GRIN2B: variants seen among roughly 807,000 people sequenced by gnomAD.
GRIN2B encodes glutamate receptor ionotropic, NMDA 2B.
Under a neutral mutation model 114.5 loss-of-function variants are expected in GRIN2B, and 5 were observed. That is an observed-to-expected ratio of 0.04 (90% CI 0.02 to 0.09). The LOEUF is 0.09. GRIN2B is among the 10% of genes least tolerant of loss of function. GRIN2B has a pLI of 1.00. For missense variants in GRIN2B, 1,108 were observed against 1,943.5 expected (o/e 0.57, Z 8.08); for synonymous variants, 787 against 745.1 (o/e 1.06, Z -0.92).
intron 5 of GRIN2B, among the ~76,000 whole-genome samples, chr12:13,654,508 G>T (rs1460686141): frequency 6.6e-6 from 1 of 152,156 alleles, no homozygotes; most frequent in Non-Finnish European, 1.5e-5. Flanking sequence ...TAAACCTTCA[G>T]ATAATAGCCT....
chr12:13,979,106 G>C (rs1026710835), intron 2 of GRIN2B, among the ~76,000 whole-genome samples: 1 of 152,212 alleles, frequency 6.6e-6, no homozygotes, highest in African/African-American at 2.4e-5. Context: ...TTTTGCAAGA[G>C]TGTAGAAGTA....
At chr12:13,803,526 A>G (rs1185983229) in intron 3 of GRIN2B, among the ~76,000 whole-genome samples, 3 of 152,194 alleles carry the variant, frequency 2.0e-5, no homozygotes, top group Non-Finnish European at 4.4e-5. Flanking sequence ...CCATCTAACT[A>G]GTCTATAATA....
intron 8 of GRIN2B, among the ~76,000 whole-genome samples, chr12:13,612,807 G>T (rs1046106371): frequency 3.3e-5 from 5 of 152,132 alleles, no homozygotes; most frequent in African/African-American, 1.2e-4. Context: ...ATGATACAAT[G>T]CTCCCTCAAT....
At chr12:13,840,192 C>T (rs1457280978) in intron 3 of GRIN2B, among the ~76,000 whole-genome samples, 1 of 152,152 alleles carries the variant, frequency 6.6e-6, no homozygotes. Context: ...CCCAGCCCTC[C>T]ATATCACTGG....
chr12:13,773,546 A>G (rs1030395330), intron 3 of GRIN2B, among the ~76,000 whole-genome samples: 1 of 152,172 alleles, frequency 6.6e-6, no homozygotes, highest in Non-Finnish European at 1.5e-5. Flanking sequence ...CTTTTTTCTC[A>G]GGAGGAGTAA....
At chr12:13,782,578 G>A (rs1056639687) in intron 3 of GRIN2B, among the ~76,000 whole-genome samples, 1 of 152,162 alleles carries the variant, frequency 6.6e-6, no homozygotes, top group African/African-American at 2.4e-5. Context: ...CTCAGCTCTT[G>A]TTTTAAGATC....
At position 13,936,240 on chromosome 12, in the gene GRIN2B, G is replaced by A. The variant is rs375091386; in HGVS notation, c.-19+43688C>T. 4.6e-5 allele frequency among the ~76,000 whole-genome samples: 7 copies of A among 152,282 alleles called. No homozygotes were observed. The East Asian group carries it at 9.6e-4, about 21-fold the overall frequency. ...CAGTTACTAGAGGTTGAGCACTGGT[G>A]GGGAAAGAGAAGTGCTGGAGCTGAT... is the stretch of plus-strand genomic sequence containing the variant. On this transcript the variant is annotated intron_variant, in intron 2 of 13. Transcript: ENST00000609686.
At chr12:13,959,769 C>T (rs796522457) in intron 2 of GRIN2B, among the ~76,000 whole-genome samples, 17 of 132,432 alleles carry the variant, frequency 1.3e-4, no homozygotes, top group East Asian at 4.4e-4. Context: ...TTTTCTTTTT[C>T]TTTTTTTTTT....
chr12:13,584,865 T>G (rs1355476428), intron 10 of GRIN2B, among the ~76,000 whole-genome samples: 1 of 152,210 alleles, frequency 6.6e-6, no homozygotes, highest in Non-Finnish European at 1.5e-5. Context: ...TTCGTTGAGC[T>G]CCTTCAACCT....
intron 10 of GRIN2B, among the ~76,000 whole-genome samples, chr12:13,573,143 T>C (rs1948727547): frequency 1.3e-5 from 2 of 149,394 alleles, no homozygotes; most frequent in South Asian, 2.1e-4. Context: ...GAGGATTAAC[T>C]AATATAATGC....
At position 13,562,625 on chromosome 12, in the gene GRIN2B, C is replaced by G. The variant is rs993823478; in HGVS notation, c.*158G>C. ...GATGGTGCTGGTCACCAGGGTTGCC[C>G]CCAGTAGGAACCAGAACTCCAGGAT... On this transcript the variant is annotated 3_prime_UTR_variant, in exon 14 of 14. Transcript: ENST00000609686. 10 of 693,202 alleles carry G rather than the reference C, an allele frequency of 1.4e-5. No individual in the cohort carries two copies. Among genetic ancestry groups the G allele is most frequent in the Non-Finnish European group, 2.3e-5 (9 of 390,758 alleles). The allele number at this position is 693,202 out of a possible 1,614,324, so 42.9% of individuals were successfully genotyped here.
At chr12:13,747,563 C>A (rs895065998) in intron 4 of GRIN2B, among the ~76,000 whole-genome samples, 2 of 152,182 alleles carry the variant, frequency 1.3e-5, no homozygotes, top group Non-Finnish European at 2.9e-5. Context: ...TTTTACTAAA[C>A]ATTTTGCATT....
chr12:13,695,210 T>C (rs140868571), intron 4 of GRIN2B, among the ~76,000 whole-genome samples: 5 of 152,230 alleles, frequency 3.3e-5, no homozygotes, highest in Non-Finnish European at 7.4e-5. Context: ...ACAGACAGGA[T>C]AGGAAACCAG....
intron 2 of GRIN2B, among the ~76,000 whole-genome samples, chr12:13,972,655 GT>G (rs1295804160): frequency 9.9e-5 from 15 of 152,212 alleles, no homozygotes; most frequent in Non-Finnish European, 1.5e-4. Flanking sequence ...GTCAGTGGAC[GT>G]GGCTGACCAC....
intron 2 of GRIN2B, among the ~76,000 whole-genome samples, chr12:13,897,949 C>A (rs1375894905): frequency 1.3e-5 from 2 of 150,918 alleles, no homozygotes; most frequent in African/African-American, 2.4e-5. Flanking sequence ...ATGTAACTAA[C>A]CTGTACATTC....
intron 10 of GRIN2B, among the ~76,000 whole-genome samples, chr12:13,578,950 G>C (rs940224405): frequency 6.6e-6 from 1 of 152,134 alleles, no homozygotes; most frequent in Non-Finnish European, 1.5e-5. Context: ...GGGGGAACAA[G>C]CTTGGTGTGA....
intron 4 of GRIN2B, among the ~76,000 whole-genome samples, chr12:13,735,300 G>C (rs967765540): frequency 2.1e-4 from 32 of 152,170 alleles, no homozygotes; most frequent in African/African-American, 7.2e-4. Context: ...ATCTAAAAAA[G>C]TGCAGACATG....
At chr12:13,762,204 C>T (rs1275664814) in intron 3 of GRIN2B, among the ~76,000 whole-genome samples, 11 of 152,088 alleles carry the variant, frequency 7.2e-5, no homozygotes, top group Non-Finnish European at 1.5e-4. Context: ...GGGGTTTCAT[C>T]GTGTTAGCCA....
intron 9 of GRIN2B, among the ~76,000 whole-genome samples, chr12:13,611,110 C>T (rs1386342905): frequency 6.6e-6 from 1 of 152,220 alleles, no homozygotes; most frequent in Admixed American, 6.5e-5. Context: ...GCAGCCCTCA[C>T]ATCTCTAGGT....
Sources: allele counts gnomAD v4.1 joint callset (sites outside exome capture counted in the v4.1 genomes callset), GRCh38; gene constraint gnomAD v4.1.1; transcripts MANE v1.5; gene names NCBI Gene and HGNC (gene_info 2026-07-23, HGNC 2026-07-21).